The following FEZ1 variants were observed in gnomAD, a reference collection of about 807,000 sequenced individuals.
FEZ1 encodes the protein fasciculation and elongation protein zeta-1.
A neutral mutation model predicts 49.3 loss-of-function variants in FEZ1; 20 were observed. The ratio of observed to expected loss-of-function variants is 0.41; its 90% CI spans 0.29 to 0.59. FEZ1 has a LOEUF of 0.59. Among genes scored for constraint, FEZ1 ranks in the 20% least tolerant of loss-of-function variants. The pLI, the probability that FEZ1 is intolerant of heterozygous loss-of-function variation, is 0.36. For synonymous variants in FEZ1, 170 were observed against 180.9 expected (o/e 0.94, Z 0.48); for missense variants, 413 against 476.0 (o/e 0.87, Z 1.23).
At chr11:125,482,007 CAG>C (rs138138330) in intron 2 of FEZ1, among the ~76,000 whole-genome samples, 189 of 146,126 alleles carry the variant, frequency 1.3e-3, no homozygotes, top group Middle Eastern at 3.4e-3. Context: ...TTCCTATGGG[CAG>C]AGAGAGAGAG....
intron 4 of FEZ1, among the ~76,000 whole-genome samples, chr11:125,462,928 A>C (rs368805725): frequency 6.6e-6 from 1 of 150,820 alleles, no homozygotes; most frequent in African/African-American, 2.4e-5. Flanking sequence ...TGAGCCAAGG[A>C]GGTTGAGGCT....
chr11:125,456,161 G>A, intron 5 of FEZ1, 55 bp from the exon 6 acceptor site: 1 of 1,505,616 alleles, frequency 6.6e-7, no homozygotes, highest in Non-Finnish European at 8.9e-7. Context: ...AGAGCCCGCT[G>A]GGGAGGCTCC....
Position 125,446,119 on chromosome 11 carries a change from G to C in FEZ1, c.1163-8C>G, listed in dbSNP as rs748399440. The C allele has an allele frequency of 1.2e-6, 2 of 1,613,856 alleles. No individual in the cohort carries two copies. The highest frequency in any genetic ancestry group is 2.2e-5 in the East Asian group (1 of 44,876). Reference sequence around the variant, plus strand: ...GTTAGGTAGGGCAGAGCACTGCAACGAGAAGAGAGGAGGGGAGAGCGGTCA... The same window carrying C: ...GTTAGGTAGGGCAGAGCACTGCAACCAGAAGAGAGGAGGGGAGAGCGGTCA... On this transcript the variant is annotated splice_region_variant and splice_polypyrimidine_tract_variant and intron_variant, in intron 9 of 9. Coordinates refer to ENST00000278919, the MANE Select transcript of FEZ1 (RefSeq NM_005103.5).
At position 125,444,021 on chromosome 11, in the gene FEZ1, C is replaced by G. The variant is rs985895806; in HGVS notation, c.*2074G>C. The stretch of plus-strand genomic sequence containing the variant: ...GGCTGGTGAAAAACCCCGTCGCCGG[C>G]AGAGTGCTAAACATGCTAATGACCT... On this transcript the variant is annotated 3_prime_UTR_variant, in exon 10 of 10. Coordinates refer to ENST00000278919, the MANE Select transcript of FEZ1 (RefSeq NM_005103.5). Among the ~76,000 whole-genome samples the G allele has an allele frequency of 1.3e-5, 2 of 152,242 alleles. No homozygotes were observed. Among genetic ancestry groups the G allele is most frequent in the Non-Finnish European group, 2.9e-5 (2 of 68,042 alleles).
At chr11:125,488,719 C>T in intron 2 of FEZ1, 14 of 985,166 alleles carry the variant, frequency 1.4e-5, no homozygotes, top group Non-Finnish European at 1.6e-5. Flanking sequence ...AAACACATCC[C>T]CCGAGGATAG....
At chr11:125,473,052 GA>G (rs139721818) in intron 3 of FEZ1, among the ~76,000 whole-genome samples, 8 of 149,788 alleles carry the variant, frequency 5.3e-5, no homozygotes, top group Non-Finnish European at 8.9e-5. Context: ...AATTTGGAAA[GA>G]AAAAAAAAGG....
At chr11:125,454,874 C>T (rs932094106) in intron 6 of FEZ1, among the ~76,000 whole-genome samples, 5 of 150,536 alleles carry the variant, frequency 3.3e-5, no homozygotes, top group Admixed American at 2.0e-4. Context: ...ATTAGCCAGG[C>T]GTGGTGGTGT....
rs1485578193 is a variant in FEZ1 at position 125,444,168 on chromosome 11, A to C, written c.*1927T>G. Among the ~76,000 whole-genome samples the C allele has an allele frequency of 6.6e-6, 1 of 152,130 alleles. No homozygotes were observed. The highest frequency in any genetic ancestry group is 2.1e-4 in the South Asian group (1 of 4,834). Reference sequence around the variant, plus strand: ...ATGCTCCTGTGGCAGCCGGGGCTCTATCTATGGAGAAGCTCTGCTCTGGGC... The same window carrying C: ...ATGCTCCTGTGGCAGCCGGGGCTCTCTCTATGGAGAAGCTCTGCTCTGGGC... On this transcript the variant is annotated 3_prime_UTR_variant, in exon 10 of 10. Coordinates refer to ENST00000278919, the MANE Select transcript of FEZ1 (RefSeq NM_005103.5).
At chr11:125,474,774 G>A (rs1320027019) in intron 3 of FEZ1, among the ~76,000 whole-genome samples, 1 of 152,086 alleles carries the variant, frequency 6.6e-6, no homozygotes, top group Non-Finnish European at 1.5e-5. Context: ...TGTAATCCCA[G>A]CTACTCAGAA....
At position 125,443,941 on chromosome 11, in the gene FEZ1, C is replaced by A. The variant is rs762935746; in HGVS notation, c.*2154G>T. The stretch of plus-strand genomic sequence containing the variant: ...AAAGGAGTGGCTGACCCAGATCTGA[C>A]AAATCCAAGGCAGGAAGAAAAGCTC... On this transcript the variant is annotated 3_prime_UTR_variant, in exon 10 of 10. Coordinates refer to ENST00000278919, the MANE Select transcript of FEZ1 (RefSeq NM_005103.5). 5.7e-4 allele frequency among the ~76,000 whole-genome samples: 87 copies of A among 152,298 alleles called. No individual in the cohort carries two copies. Among genetic ancestry groups the A allele is most frequent in the Non-Finnish European group, 1.0e-3 (69 of 68,032 alleles).
chr11:125,480,759 G>C (rs905106631), intron 3 of FEZ1, among the ~76,000 whole-genome samples: 2 of 152,170 alleles, frequency 1.3e-5, no homozygotes, highest in African/African-American at 4.8e-5. Context: ...GTAATGGCAG[G>C]CTGGGTGTGG....
At chr11:125,483,731 A>G (rs1307756211) in intron 2 of FEZ1, among the ~76,000 whole-genome samples, 1 of 152,228 alleles carries the variant, frequency 6.6e-6, no homozygotes, top group African/African-American at 2.4e-5. Flanking sequence ...GCCCACAGAA[A>G]TGAAATTCAG....
At chr11:125,483,519 C>T (rs962256625) in intron 2 of FEZ1, among the ~76,000 whole-genome samples, 9 of 152,172 alleles carry the variant, frequency 5.9e-5, no homozygotes, top group Non-Finnish European at 5.9e-5. Flanking sequence ...TTAATCCAGG[C>T]TAATTCTAAA....
chr11:125,495,385 T>C lies in FEZ1; in HGVS notation c.-46+736A>G, dbSNP rs1483228100. The C allele has an allele frequency of 2.8e-5, 13 of 470,532 alleles. No homozygotes were observed. The allele number at this position is 470,532 out of a possible 1,614,324, so 29.1% of individuals were successfully genotyped here. A position where few individuals can be genotyped will look rare whatever the true frequency, so the allele number is the denominator to read the frequency against. On this transcript the variant is annotated intron_variant, in intron 1 of 9. Coordinates refer to ENST00000278919, the MANE Select transcript of FEZ1 (RefSeq NM_005103.5). The surrounding 1 kb of genome is among the most constrained non-coding windows in gnomAD (Gnocchi z 4.2). The stretch of plus-strand genomic sequence containing the variant: ...AAAAGGGAAGAAGAGCGGGCTGTGA[T>C]ACCTCCTCGACGCCGTCAAACACTG...
At chr11:125,460,847 T>A (rs1957067998) in intron 4 of FEZ1, among the ~76,000 whole-genome samples, 181 bp from the exon 5 acceptor site, 1 of 152,258 alleles carries the variant, frequency 6.6e-6, no homozygotes, top group South Asian at 2.1e-4. Flanking sequence ...ATACACTCTT[T>A]CTTTAATGTA....
chr11:125,479,530 T>C (rs1957261256), intron 3 of FEZ1, among the ~76,000 whole-genome samples: 1 of 152,246 alleles, frequency 6.6e-6, no homozygotes, highest in South Asian at 2.1e-4. Flanking sequence ...TTTGCTGTGC[T>C]CTGAATGTTT....
rs1555043780 is a variant in FEZ1, at chr11:125,493,547, A to AAAGAAAGAAAGG, written c.-46+2573_-46+2574insCCTTTCTTTCTT. On this transcript the variant is annotated intron_variant, in intron 1 of 9. Coordinates refer to ENST00000278919, the MANE Select transcript of FEZ1 (RefSeq NM_005103.5). ...GAAAGAAAGAAAGAAAGAAAGAAAG[A>AAAGAAAGAAAGG]AAGAAAGGTGATGTGGGAGTGCTTC... 1.9e-3 allele frequency among the ~76,000 whole-genome samples: 260 copies of AAAGAAAGAAAGG among 134,570 alleles called. 7 individuals carry two copies. Among genetic ancestry groups the AAAGAAAGAAAGG allele is most frequent in the East Asian group, 3.6e-3 (15 of 4,114 alleles). 88.3% of individuals were successfully genotyped at this position (134,570 alleles called of 152,430 possible). A position where few individuals can be genotyped will look rare whatever the true frequency, so the allele number is the denominator to read the frequency against.
chr11:125,470,974 A>T (rs1957177996), intron 3 of FEZ1, among the ~76,000 whole-genome samples: 1 of 152,206 alleles, frequency 6.6e-6, no homozygotes, highest in South Asian at 2.1e-4. Context: ...TAGACTTTAT[A>T]CTGTGACAAA....
At chr11:125,448,453 G>T in intron 9 of FEZ1, 49 bp downstream of exon 9, 2 of 1,232,648 alleles carry the variant, frequency 1.6e-6, no homozygotes, top group South Asian at 2.4e-5. Flanking sequence ...ACTGGAGCAG[G>T]AGCTCCAGAG....
Sources: gnomAD v4.1 joint callset for allele counts (sites outside exome capture counted in the v4.1 genomes callset) on GRCh38, gnomAD v4.1.1 for gene constraint, Gnocchi (gnomAD v3.1) non-coding constraint, MANE v1.5 for transcripts, NCBI Gene and HGNC (gene_info 2026-07-23, HGNC 2026-07-21) for gene names.